Variants in CHCHD3 observed in about 807,000 individuals in gnomAD.
CHCHD3 encodes the protein coiled-coil-helix-coiled-coil-helix domain containing 3, also known as MICOS complex subunit MIC19.
A neutral mutation model predicts 38.2 loss-of-function variants in CHCHD3; 20 were observed. That is an observed-to-expected ratio of 0.52 (90% confidence interval 0.37 to 0.76). The LOEUF is 0.76. Ranked by LOEUF, CHCHD3 falls within the 30% of genes least tolerant of loss-of-function variation. The pLI, the probability that CHCHD3 is intolerant of heterozygous loss-of-function variation, is 0.00. For missense variants in CHCHD3, 245 were observed against 279.2 expected, an observed-to-expected ratio of 0.88 and a Z score of 0.87; for synonymous variants, 82 against 100.0, an observed-to-expected ratio of 0.82 and a Z score of 1.07.
chr7:132,834,393 C>T (rs796161983), intron 6 of CHCHD3, among the ~76,000 whole-genome samples: 3 of 152,222 alleles, frequency 2.0e-5, no homozygotes, highest in East Asian at 1.9e-4. Context: ...AAAGCCACTC[C>T]CTAAAAAACT....
At chr7:132,837,021 A>T (rs1047827599) in intron 6 of CHCHD3, among the ~76,000 whole-genome samples, 8 of 152,150 alleles carry the variant, frequency 5.3e-5, no homozygotes, top group African/African-American at 1.9e-4. Flanking sequence ...CCAACTACAG[A>T]GCACAGTTTT....
chr7:132,834,540 G>C (rs189028454), intron 6 of CHCHD3, among the ~76,000 whole-genome samples: 28 of 152,252 alleles, frequency 1.8e-4, no homozygotes, highest in Non-Finnish European at 2.6e-4. Flanking sequence ...TTTGCAGAGC[G>C]GGGGAGGGAG....
At chr7:133,009,498 G>A (rs1363937406) in intron 3 of CHCHD3, among the ~76,000 whole-genome samples, 1 of 151,762 alleles carries the variant, frequency 6.6e-6, no homozygotes, top group Non-Finnish European at 1.5e-5. Flanking sequence ...GAGGCTGAGG[G>A]GGGCACGAGG....
intron 4 of CHCHD3, among the ~76,000 whole-genome samples, chr7:132,898,108 G>A (rs1335957553): frequency 6.6e-6 from 1 of 152,178 alleles, no homozygotes; most frequent in Non-Finnish European, 1.5e-5. Flanking sequence ...TGAAGCTGCA[G>A]ACCTTCGCGG....
At chr7:133,081,008 G>A (rs1035980250) in intron 1 of CHCHD3, among the ~76,000 whole-genome samples, 5 of 152,092 alleles carry the variant, frequency 3.3e-5, no homozygotes, top group African/African-American at 9.7e-5. Context: ...CAGGCGCAGC[G>A]GAGAGTGTGT....
intron 4 of CHCHD3, among the ~76,000 whole-genome samples, chr7:132,953,156 C>T (rs1327100959): frequency 6.6e-6 from 1 of 152,148 alleles, no homozygotes; most frequent in Middle Eastern, 3.2e-3. Flanking sequence ...TTATAGAGTC[C>T]TTCACTCCAC....
At chr7:132,931,325 G>A (rs969221850) in intron 4 of CHCHD3, among the ~76,000 whole-genome samples, 4 of 152,148 alleles carry the variant, frequency 2.6e-5, no homozygotes, top group Non-Finnish European at 5.9e-5. Context: ...ATATAAGACA[G>A]TATTGTTATC....
intron 4 of CHCHD3, among the ~76,000 whole-genome samples, chr7:132,913,209 C>A (rs778870137): frequency 1.3e-4 from 20 of 152,176 alleles, no homozygotes; most frequent in Non-Finnish European, 2.4e-4. Context: ...TGGCTATCCC[C>A]CAAGTCCAAC....
At chr7:132,831,125 T>C (rs1421994329) in intron 6 of CHCHD3, among the ~76,000 whole-genome samples, 2 of 152,204 alleles carry the variant, frequency 1.3e-5, no homozygotes, top group Non-Finnish European at 1.5e-5. Flanking sequence ...TGTGTAAACT[T>C]TTCATTATGA....
chr7:132,858,889 TC>T (rs1808412625), intron 5 of CHCHD3, among the ~76,000 whole-genome samples: 1 of 152,112 alleles, frequency 6.6e-6, no homozygotes, highest in Non-Finnish European at 1.5e-5. Context: ...TGACAATAAC[TC>T]CATCAGGTTG....
chr7:132,835,200 T>C (rs987137070), intron 6 of CHCHD3, among the ~76,000 whole-genome samples: 5 of 151,588 alleles, frequency 3.3e-5, no homozygotes, highest in Non-Finnish European at 5.9e-5. Context: ...CAGGCTGGTC[T>C]CAAAATCCTG....
intron 3 of CHCHD3, among the ~76,000 whole-genome samples, chr7:132,996,937 C>T (rs1022910968): frequency 9.2e-5 from 14 of 152,188 alleles, no homozygotes; most frequent in African/African-American, 3.1e-4. Flanking sequence ...AACTTCAAAA[C>T]GGCTAGGTAA....
At chr7:132,842,990 T>C (rs1807979750) in intron 5 of CHCHD3, among the ~76,000 whole-genome samples, 1 of 152,220 alleles carries the variant, frequency 6.6e-6, no homozygotes, top group South Asian at 2.1e-4. Context: ...GAGTCCTGCC[T>C]GCAGCAATGA....
At chr7:132,820,611 GTTTTTTTTTT>G (rs748470167) in intron 6 of CHCHD3, among the ~76,000 whole-genome samples, 3 of 96,190 alleles carry the variant, frequency 3.1e-5, no homozygotes, top group Non-Finnish European at 4.0e-5. Flanking sequence ...ATGTGCTAGT[GTTTTTTTTTT>G]TTTTTTTTTT....
intron 4 of CHCHD3, chr7:132,972,745 C>T (rs189907335): frequency 1.0e-5 from 10 of 985,366 alleles, no homozygotes. Flanking sequence ...TCCCTAAGTG[C>T]TTTGAGGGCT....
intron 5 of CHCHD3, among the ~76,000 whole-genome samples, chr7:132,874,426 A>C (rs763480952): frequency 6.6e-6 from 1 of 152,208 alleles, no homozygotes; most frequent in Non-Finnish European, 1.5e-5. Context: ...AGAAACCTTG[A>C]GGCTCTGATG....
intron 2 of CHCHD3, among the ~76,000 whole-genome samples, chr7:133,055,487 GT>G (rs1318398809): frequency 2.1e-5 from 3 of 142,950 alleles, no homozygotes; most frequent in Non-Finnish European, 4.5e-5. Flanking sequence ...AATTATAATT[GT>G]TATATATTTA....
chr7:132,888,205 T>C (rs962115163), intron 4 of CHCHD3, among the ~76,000 whole-genome samples: 3 of 151,864 alleles, frequency 2.0e-5, no homozygotes, highest in African/African-American at 7.2e-5. Context: ...TTTTACAAAA[T>C]GTCAACAGAG....
intron 2 of CHCHD3, chr7:133,034,664 C>T (rs779606221): frequency 6.2e-7 from 1 of 1,613,162 alleles, no homozygotes; most frequent in Non-Finnish European, 8.5e-7. Context: ...AGGCCCCCTC[C>T]CAGGAAAAGT....
Sources: gnomAD v4.1 joint callset for allele counts (sites outside exome capture counted in the v4.1 genomes callset) on GRCh38, gnomAD v4.1.1 for gene constraint, MANE v1.5 for transcripts, NCBI Gene and HGNC (gene_info 2026-07-23, HGNC 2026-07-21) for gene names.